The following BCL6 variants were observed in gnomAD, a reference collection of about 807,000 sequenced individuals.
The protein encoded by BCL6 is B-cell lymphoma 6 protein.
A neutral mutation model predicts 59.5 loss-of-function variants in BCL6; 7 were observed. The observed-to-expected ratio is 0.12, with a 90% CI of 0.07 to 0.22. The LOEUF (loss-of-function observed/expected upper bound fraction) is 0.22, where lower values mean the gene tolerates loss of function less well. Among genes scored for constraint, BCL6 ranks in the 10% least tolerant of loss-of-function variants. BCL6 has a pLI of 1.00. For synonymous variants in BCL6, 339 were observed against 349.7 expected (o/e 0.97, Z 0.34); for missense variants, 685 against 939.4 (o/e 0.73, Z 3.54).
chr3:187,744,098 T>G (rs1711747875), intron 1 of BCL6, among the ~76,000 whole-genome samples: 1 of 152,166 alleles, frequency 6.6e-6, no homozygotes, highest in African/African-American at 2.4e-5. Flanking sequence ...GGCCCGCAGT[T>G]CCCTTTTTAC....
At chr3:187,727,740 G>C (rs558511336) in intron 6 of BCL6, among the ~76,000 whole-genome samples, 1 of 152,154 alleles carries the variant, frequency 6.6e-6, no homozygotes, top group Admixed American at 6.5e-5. Flanking sequence ...GAGAAGTCAC[G>C]GTGATTTTAC....
In BCL6 at chr3:187,729,614, G is replaced by A. The variant is rs1718922325; in HGVS notation, c.791C>T (p.Thr264Ile). Residue 264 changes from threonine to isoleucine, a missense_variant, in exon 5 of 10, where the codon ACA (threonine) becomes ATA (isoleucine). Physicochemically the swap from Thr to Ile is moderately conservative, Grantham distance 89 (BLOSUM62 -1). This residue lies in a region of BCL6 where 268 missense variants were observed against 263.8 expected (regional missense o/e 1.02). Coordinates refer to ENST00000406870, the MANE Select transcript of BCL6 (RefSeq NM_001706.5). The surrounding 1 kb of genome is among the most constrained non-coding windows in gnomAD (Gnocchi z 5.6). ...ATCACTTCGTGCCTCTTCTGGGATT[G>A]TTTCCTTGGGTGAATAGATATTGCT... ...CHSNIYSPKETIPEEARSDMH... is the reference protein window; with the variant it reads ...CHSNIYSPKEIIPEEARSDMH... 2 of 1,614,170 alleles carry A rather than the reference G, an allele frequency of 1.2e-6. No homozygotes were observed. Among genetic ancestry groups the A allele is most frequent in the Non-Finnish European group, 1.7e-6 (2 of 1,180,042 alleles).
intron 7 of BCL6, among the ~76,000 whole-genome samples, chr3:187,726,271 T>C (rs1579806140): frequency 1.3e-5 from 2 of 152,256 alleles, no homozygotes; most frequent in Admixed American, 1.3e-4. Flanking sequence ...ATGGAAAGTT[T>C]TTGGGATAAT....
intron 1 of BCL6, among the ~76,000 whole-genome samples, chr3:187,738,548 C>T (rs529388094): frequency 6.6e-6 from 1 of 152,190 alleles, no homozygotes; most frequent in Non-Finnish European, 1.5e-5. Flanking sequence ...CCCCTGCGCG[C>T]GCACTGGCAC....
chr3:187,736,020 G>A (rs969760845), intron 1 of BCL6: 10 of 152,134 alleles, frequency 6.6e-5, no homozygotes, highest in Middle Eastern at 3.2e-3. Context: ...CCCTGATGTG[G>A]GTGAATCTCA....
intron 2 of BCL6, chr3:187,733,982 C>T (rs1028750279): frequency 9.0e-6 from 4 of 442,034 alleles, no homozygotes; most frequent in Non-Finnish European, 1.7e-5. Context: ...ATACCAAATA[C>T]TCTGCCAAGC....
At position 187,729,168 on chromosome 3, in the gene BCL6, C is replaced by T; in HGVS notation, c.1237G>A (p.Ala413Thr). Residue 413 changes from alanine (A) to threonine (T), a missense_variant, in exon 5 of 10, where the codon GCC becomes ACC. Physicochemically the swap from Ala to Thr is moderately conservative, Grantham distance 58. Coordinates refer to ENST00000406870, the MANE Select transcript of BCL6 (RefSeq NM_001706.5). This position sits in a 1 kb window ranked among gnomAD's most constrained non-coding sequence, Gnocchi z 5.6. ...LSPRAYTAPP[A>T]CQPPMEPENL... The stretch of plus-strand genomic sequence containing the variant: ...TCAGGCTCCATGGGTGGCTGGCAGG[C>T]AGGTGGGGCCGTGTAGGCTCGTGGG... 6.2e-7 allele frequency: 1 copy of T among 1,609,844 alleles called. No individual in the cohort carries two copies. Among genetic ancestry groups the T allele is most frequent in the African/African-American group, 1.3e-5 (1 of 74,912 alleles).
chr3:187,730,254 C>T (rs951346438), intron 4 of BCL6, among the ~76,000 whole-genome samples: 3 of 152,326 alleles, frequency 2.0e-5, no homozygotes, highest in African/African-American at 7.2e-5. Context: ...CCGGCATGAT[C>T]TATGCCTGAT....
At chr3:187,727,833 A>T (rs907693141) in intron 6 of BCL6, among the ~76,000 whole-genome samples, 17 of 152,228 alleles carry the variant, frequency 1.1e-4, no homozygotes, top group African/African-American at 4.1e-4. Context: ...AAAACTGGGA[A>T]TGCCAACCAC....
At chr3:187,743,723 G>GT (rs1560160333) in intron 1 of BCL6, among the ~76,000 whole-genome samples, 1 of 144,832 alleles carries the variant, frequency 6.9e-6, no homozygotes, top group African/African-American at 2.6e-5. Context: ...AGCTCCTGCT[G>GT]CCCCCCCGCC....
At chr3:187,745,279 A>G (rs1576886735) in intron 1 of BCL6, 131 bp downstream of exon 1, 3 of 398,678 alleles carry the variant, frequency 7.5e-6, no homozygotes, top group Admixed American at 4.4e-5. Context: ...AGCATTTGGC[A>G]AGAGCGGAAA....
At position 187,724,971 on chromosome 3, in the gene BCL6, C is replaced by T; in HGVS notation, c.1947G>A (p.Leu649=). 2 of 1,613,958 alleles carry T rather than the reference C, an allele frequency of 1.2e-6. No homozygotes were observed. The highest frequency in any genetic ancestry group is 1.1e-5 in the South Asian group (1 of 91,068). ...FRHLQTLKSH[L]RIHTGEKPYH... ...AAGGTTTCTCTCCTGTGTGGATTCG[C>T]AGGTGGCTCTTCAGAGTCTGAAGGT... Residue 649 remains leucine (L), a synonymous_variant, in exon 9 of 10, where the codon CTG becomes CTA. Transcript: ENST00000406870.
intron 1 of BCL6, among the ~76,000 whole-genome samples, 188 bp downstream of exon 1, chr3:187,745,222 A>G (rs558221950): frequency 2.0e-5 from 3 of 152,316 alleles, no homozygotes; most frequent in East Asian, 1.9e-4. Context: ...GAATAAATAA[A>G]TATATACATT....
At chr3:187,744,354 C>A (rs113468164) in intron 1 of BCL6, among the ~76,000 whole-genome samples, 2 of 145,974 alleles carry the variant, frequency 1.4e-5, no homozygotes, top group South Asian at 2.4e-4. Flanking sequence ...GTCCCGCCAT[C>A]AGTCTCTCTC....
intron 1 of BCL6, among the ~76,000 whole-genome samples, chr3:187,745,123 T>G (rs572825794): frequency 1.3e-5 from 2 of 151,716 alleles, no homozygotes; most frequent in African/African-American, 2.4e-5. Flanking sequence ...AAGACAACAA[T>G]AATAATAATA....
At chr3:187,733,427 G>T in intron 3 of BCL6, 106 bp downstream of exon 3, 1 of 1,335,802 alleles carries the variant, frequency 7.5e-7, no homozygotes, top group Non-Finnish European at 1.0e-6. Flanking sequence ...GACAAAGCGA[G>T]ACGTCATCCC....
rs1270887193 is a variant in BCL6, at chr3:187,729,714, G to A, written c.691C>T (p.Pro231Ser). 2 of 1,614,086 alleles carry A rather than the reference G, an allele frequency of 1.2e-6. No homozygotes were observed. Among genetic ancestry groups the A allele is most frequent in the South Asian group, 2.2e-5 (2 of 91,076 alleles). ...GGGACTGGCCTGGCACTATCACATGGGAGTGCCCGCTCCTTGGGGAAGGGG... is the reference window on the plus strand; with the variant it reads ...GGGACTGGCCTGGCACTATCACATGAGAGTGCCCGCTCCTTGGGGAAGGGG... ...ANPFPKERAL[P>S]CDSARPVPGE... The change falls in exon 5 of 10, where the codon CCA (proline) becomes TCA (serine). Residue 231 changes from proline to serine, a missense_variant. This residue lies in a region of BCL6 where 268 missense variants were observed against 263.8 expected (regional missense o/e 1.02). Transcript: ENST00000406870. The surrounding 1 kb of genome is among the most constrained non-coding windows in gnomAD (Gnocchi z 5.6).
In BCL6 at chr3:187,729,244, G is replaced by A. The variant is rs1056932; in HGVS notation, c.1161C>T (p.Asn387=). ...KYKFIVLNSL[N]QNAKPEGPEQ... is the part of the protein sequence containing the mutation. ...CAGGCCCCTCTGGTTTGGCATTCTG[G>A]TTGAGGCTGTTGAGCACGATGAACT... is the stretch of plus-strand genomic sequence containing the variant. The change falls in exon 5 of 10, where the codon AAC becomes AAT. Residue 387 remains asparagine (N), a synonymous_variant. Coordinates refer to ENST00000406870, the MANE Select transcript of BCL6 (RefSeq NM_001706.5). The surrounding 1 kb of genome is among the most constrained non-coding windows in gnomAD (Gnocchi z 5.6). 1,033,856 of 1,613,920 alleles carry A rather than the reference G, an allele frequency of 0.64. 341,613 individuals are homozygous for A. Among genetic ancestry groups the A allele is most frequent in the East Asian group, 0.82 (36,830 of 44,834 alleles).
chr3:187,744,468 C>G (rs2108483605), intron 1 of BCL6, among the ~76,000 whole-genome samples: 1 of 152,242 alleles, frequency 6.6e-6, no homozygotes, highest in Middle Eastern at 3.4e-3. Flanking sequence ...CCAAGCTCCC[C>G]AAAACACAGG....
Sources: gnomAD v4.1 joint callset for allele counts (sites outside exome capture counted in the v4.1 genomes callset) on GRCh38, gnomAD v4.1.1 for gene constraint, gnomAD v4.1.1 regional missense constraint, Gnocchi (gnomAD v3.1) non-coding constraint, MANE v1.5 for transcripts, NCBI Gene and HGNC (gene_info 2026-07-23, HGNC 2026-07-21) for gene names.